Variants in SPPL2A observed in about 807,000 individuals in gnomAD.
The protein encoded by SPPL2A is signal peptide peptidase-like 2A.
A neutral mutation model predicts 63.8 loss-of-function variants in SPPL2A; 51 were observed. The ratio of observed to expected loss-of-function variants is 0.80; its 90% CI spans 0.64 to 1.01. The LOEUF is 1.01. SPPL2A is among the 50% of genes least tolerant of loss of function. SPPL2A has a pLI of 0.00. For missense variants in SPPL2A, 553 were observed against 622.7 expected, an observed-to-expected ratio of 0.89 and a Z score of 1.19; for synonymous variants, 188 against 205.8, an observed-to-expected ratio of 0.91 and a Z score of 0.74.
At chr15:50,754,487 G>A (rs2062937391) in intron 1 of SPPL2A, among the ~76,000 whole-genome samples, 1 of 152,136 alleles carries the variant, frequency 6.6e-6, no homozygotes, top group African/African-American at 2.4e-5. Context: ...ACGTATCTGT[G>A]AATATACTAA....
Position 50,736,187 on chromosome 15 carries a change from G to T in SPPL2A, c.846C>A (p.Gly282=). The T allele has an allele frequency of 6.2e-7, 1 of 1,607,432 alleles. No homozygotes were observed. Among genetic ancestry groups the T allele is most frequent in the Non-Finnish European group, 8.5e-7 (1 of 1,174,426 alleles). ...PYGQCTIACR[G]KNMEVRLIFL... ...AAATAAGTCTCACTTCCATGTTTTT[G>T]CCACGACATGCAATCCTAAAAAACA... Residue 282 remains glycine (G), a synonymous_variant, in exon 8 of 15, where the codon GGC becomes GGA. Transcript: ENST00000261854.
chr15:50,714,959 A>G (rs898393386), intron 14 of SPPL2A, among the ~76,000 whole-genome samples: 1 of 151,148 alleles, frequency 6.6e-6, no homozygotes, highest in African/African-American at 2.4e-5. Context: ...CGCCCAAAAA[A>G]TTTTTCTCAA....
At position 50,749,648 on chromosome 15, in the gene SPPL2A, G is replaced by C. The variant is rs2062890723; in HGVS notation, c.165C>G (p.Thr55=). The change falls in exon 2 of 15, where the codon ACC becomes ACG. Residue 55 remains threonine, a synonymous_variant. Coordinates refer to ENST00000261854, the MANE Select transcript of SPPL2A (RefSeq NM_032802.4). ...GTGATTTACTTACTGCATTTTCTAG[G>C]GTACTTGGAAGAGCTGTCCAATAAG... ...YNPYWTALPS[T]LENATSISLM... The C allele has an allele frequency of 6.3e-7, 1 of 1,586,300 alleles. No homozygotes were observed. Among genetic ancestry groups the C allele is most frequent in the South Asian group, 1.1e-5 (1 of 90,494 alleles).
chr15:50,744,568 A>C (rs1021959055), intron 5 of SPPL2A, among the ~76,000 whole-genome samples: 5 of 152,212 alleles, frequency 3.3e-5, no homozygotes, highest in African/African-American at 4.8e-5. Context: ...ACAAAACTGT[A>C]AGGAGACCGA....
chr15:50,739,773 C>T lies in SPPL2A; in HGVS notation c.640G>A (p.Glu214Lys). ...GTAAGAGGACTAAAAGTTAAATATT[C>T]TTCCTTCTTTTTCCTCATTTCTCTA... ...EDREMRKKKE[E>K]YLTFSPLTVV... The change falls in exon 6 of 15, where the codon GAA becomes AAA. Residue 214 changes from glutamate to lysine, a missense_variant. Glu to Lys is a moderately conservative substitution (Grantham distance 56, BLOSUM62 1). Coordinates refer to ENST00000261854, the MANE Select transcript of SPPL2A (RefSeq NM_032802.4). 6.2e-7 allele frequency: 1 copy of T among 1,602,766 alleles called. No homozygotes were observed. The highest frequency in any genetic ancestry group is 1.7e-4 in the Middle Eastern group (1 of 6,008).
At chr15:50,728,189 C>A (rs908631997) in intron 10 of SPPL2A, among the ~76,000 whole-genome samples, 1 of 152,026 alleles carries the variant, frequency 6.6e-6, no homozygotes, top group Admixed American at 6.6e-5. Context: ...ATATATGTGT[C>A]ATATGTTATG....
chr15:50,758,952 C>T (rs1462929180), intron 1 of SPPL2A, among the ~76,000 whole-genome samples: 2 of 152,006 alleles, frequency 1.3e-5, no homozygotes, highest in Non-Finnish European at 1.5e-5. Context: ...ACTCTATCAC[C>T]CAGGCTACAG....
In SPPL2A at chr15:50,765,588, G is replaced by C. The variant is rs1315283584; in HGVS notation, c.-55C>G. The C allele has an allele frequency of 1.6e-5, 20 of 1,243,296 alleles. No individual in the cohort carries two copies. The highest frequency in any genetic ancestry group is 2.0e-5 in the Non-Finnish European group (19 of 962,062). The allele number at this position is 1,243,296 out of a possible 1,614,324, so 77.0% of individuals were successfully genotyped here. A position where few individuals can be genotyped will look rare whatever the true frequency, so the allele number is the denominator to read the frequency against. ...CGGTGCGGCGCAGCTCACTCGGCGG[G>C]GTAGGCTCGGAGTCCCGCCGCTGCG... On this transcript the variant is annotated 5_prime_UTR_variant, in exon 1 of 15. Transcript: ENST00000261854.
At chr15:50,754,758 G>A (rs1013908799) in intron 1 of SPPL2A, among the ~76,000 whole-genome samples, 1 of 152,144 alleles carries the variant, frequency 6.6e-6, no homozygotes, top group African/African-American at 2.4e-5. Context: ...CTAGGTGGGC[G>A]GATCAACTGA....
chr15:50,708,866 T>C lies in SPPL2A; in HGVS notation c.1489-992A>G, dbSNP rs1396319418. 4.0e-5 allele frequency among the ~76,000 whole-genome samples: 6 copies of C among 150,362 alleles called. No individual in the cohort carries two copies. The East Asian group carries it at 1.2e-3, about 30-fold the overall frequency. On this transcript the variant is annotated intron_variant, in intron 14 of 14. Coordinates refer to ENST00000261854, the MANE Select transcript of SPPL2A (RefSeq NM_032802.4). ...GGCTAACACAGTGAAACCCCGTTTCTACAAAAAAATACAAAAAAAAATTAG... is the reference window on the plus strand; with the variant it reads ...GGCTAACACAGTGAAACCCCGTTTCCACAAAAAAATACAAAAAAAAATTAG...
intron 12 of SPPL2A, among the ~76,000 whole-genome samples, chr15:50,724,811 T>C (rs1015135088): frequency 2.0e-5 from 3 of 152,244 alleles, no homozygotes; most frequent in African/African-American, 7.2e-5. Flanking sequence ...GGTGTTCTTC[T>C]ATGTTTCTCC....
At chr15:50,740,427 CAAAAAAAAA>C (rs34361362) in intron 5 of SPPL2A, among the ~76,000 whole-genome samples, 1 of 60,080 alleles carries the variant, frequency 1.7e-5, no homozygotes, top group East Asian at 3.6e-4. Context: ...AACTCCGTCT[CAAAAAAAAA>C]AAAAAAAAAG....
intron 1 of SPPL2A, among the ~76,000 whole-genome samples, chr15:50,756,254 T>C (rs897747889): frequency 6.7e-6 from 1 of 148,392 alleles, no homozygotes; most frequent in Non-Finnish European, 1.5e-5. Flanking sequence ...CCACTTACTC[T>C]GGAGGCTGAG....
chr15:50,703,924 T>C lies in SPPL2A; in HGVS notation c.*3876A>G, dbSNP rs1171943407. ...AAAGCTCATTTGTATTTATTATAAA[T>C]GTATCAATTCACTAAAATCTCTATG... On this transcript the variant is annotated 3_prime_UTR_variant, in exon 15 of 15. Coordinates refer to ENST00000261854, the MANE Select transcript of SPPL2A (RefSeq NM_032802.4). 2.6e-5 allele frequency: 4 copies of C among 152,150 alleles called. No individual in the cohort carries two copies. Among genetic ancestry groups the C allele is most frequent in the African/African-American group, 9.7e-5 (4 of 41,442 alleles). The allele number at this position is 152,150 out of a possible 1,614,324, so 9.4% of individuals were successfully genotyped here. A position where few individuals can be genotyped will look rare whatever the true frequency, so the allele number is the denominator to read the frequency against.
chr15:50,723,965 T>C (rs1035781887), intron 12 of SPPL2A, among the ~76,000 whole-genome samples: 1 of 152,202 alleles, frequency 6.6e-6, no homozygotes, highest in African/African-American at 2.4e-5. Flanking sequence ...AATAATGTAG[T>C]ATTTATATGC....
At chr15:50,731,927 C>CAAAAAAA (rs60624824) in intron 9 of SPPL2A, among the ~76,000 whole-genome samples, 85 of 64,222 alleles carry the variant, frequency 1.3e-3, no homozygotes, top group East Asian at 2.7e-3. Context: ...GACTCCATCT[C>CAAAAAAA]AAAAAAAAAA....
chr15:50,722,552 G>A (rs1043217307), intron 12 of SPPL2A, among the ~76,000 whole-genome samples: 1 of 152,104 alleles, frequency 6.6e-6, no homozygotes, highest in African/African-American at 2.4e-5. Context: ...TGCCTCCCGG[G>A]TTCAAACAAT....
chr15:50,712,461 A>G (rs1467736461), intron 14 of SPPL2A, among the ~76,000 whole-genome samples: 2 of 152,070 alleles, frequency 1.3e-5, no homozygotes, highest in African/African-American at 4.8e-5. Context: ...GATGAGCCAG[A>G]GCTGACCCTC....
chr15:50,722,753 C>A (rs1347753704), intron 12 of SPPL2A, among the ~76,000 whole-genome samples: 1 of 152,078 alleles, frequency 6.6e-6, no homozygotes, highest in Non-Finnish European at 1.5e-5. Flanking sequence ...CCAAGCCCAG[C>A]CATGAAGAAA....
Sources: gnomAD v4.1 joint callset for allele counts (sites outside exome capture counted in the v4.1 genomes callset) on GRCh38, gnomAD v4.1.1 for gene constraint, MANE v1.5 for transcripts, NCBI Gene and HGNC (gene_info 2026-07-23, HGNC 2026-07-21) for gene names.